Variants in CDS1 observed in about 807,000 individuals in gnomAD.
The protein encoded by CDS1 is phosphatidate cytidylyltransferase 1.
Under a neutral mutation model 62.1 loss-of-function variants are expected in CDS1, and 41 were observed. That is an observed-to-expected ratio of 0.66 (90% CI 0.51 to 0.86). The LOEUF is 0.86. Ranked by LOEUF, CDS1 falls within the 40% of genes least tolerant of loss-of-function variation. CDS1 has a pLI of 0.00. For missense variants in CDS1, 470 were observed against 550.1 expected, an observed-to-expected ratio of 0.85 and a Z score of 1.46; for synonymous variants, 185 against 192.6, an observed-to-expected ratio of 0.96 and a Z score of 0.32.
In CDS1 at chr4:84,644,087, G is replaced by A. The variant is rs139664046; in HGVS notation, c.1152+944G>A. ...GTGGTTGAGAGTAGGAGATGAGACC[G>A]CAGAGTTTGGTGGGACCAGATCACA... is the stretch of plus-strand genomic sequence containing the variant. On this transcript the variant is annotated intron_variant, in intron 11 of 12. Transcript: ENST00000295887. Among the ~76,000 whole-genome samples, 1,355 of 152,266 alleles carry A rather than the reference G, an allele frequency of 8.9e-3. 23 individuals carry two copies. Among genetic ancestry groups the A allele is most frequent in the African/African-American group, 0.031 (1,274 of 41,544 alleles).
intron 5 of CDS1, 34 bp downstream of exon 5, chr4:84,619,567 T>G (rs772501123): frequency 8.0e-7 from 1 of 1,243,060 alleles, no homozygotes. Context: ...TGATATATAG[T>G]TAACATATTT....
rs921336172 is a variant in CDS1 at position 84,587,554 on chromosome 4, C to T, written c.117+4036C>T. ...GAAGTGGATGACCACAGATTCAGGTCGGCAGGGAAGTGGGCTGGTGAAGAT... is the reference window on the plus strand; with the variant it reads ...GAAGTGGATGACCACAGATTCAGGTTGGCAGGGAAGTGGGCTGGTGAAGAT... On this transcript the variant is annotated intron_variant, in intron 1 of 12. Coordinates refer to ENST00000295887, the MANE Select transcript of CDS1 (RefSeq NM_001263.4). 9.2e-5 allele frequency among the ~76,000 whole-genome samples: 14 copies of T among 152,074 alleles called. 1 individual carries two copies. Among genetic ancestry groups the T allele is most frequent in the Non-Finnish European group, 1.6e-4 (11 of 68,008 alleles).
intron 1 of CDS1, among the ~76,000 whole-genome samples, chr4:84,595,898 G>A (rs1268104260): frequency 1.3e-5 from 2 of 152,172 alleles, no homozygotes. Context: ...TGATCTTAAT[G>A]TATAATAGAA....
At chr4:84,628,077 C>T (rs1262145044) in intron 5 of CDS1, among the ~76,000 whole-genome samples, 14 of 152,086 alleles carry the variant, frequency 9.2e-5, no homozygotes, top group Non-Finnish European at 1.5e-5. Flanking sequence ...AATAAAGGCA[C>T]ACAATGCAGT....
intron 2 of CDS1, among the ~76,000 whole-genome samples, chr4:84,608,186 T>G (rs1723190017): frequency 1.3e-5 from 2 of 152,186 alleles, no homozygotes; most frequent in South Asian, 4.1e-4. Flanking sequence ...AATACTTTGT[T>G]TTTTGGAGAC....
chr4:84,585,471 C>T (rs761400416), intron 1 of CDS1, among the ~76,000 whole-genome samples: 1 of 152,246 alleles, frequency 6.6e-6, no homozygotes, highest in Non-Finnish European at 1.5e-5. Context: ...TTTGAATACA[C>T]CTGTATTTCC....
At chr4:84,635,722 T>C (rs1243231529) in intron 8 of CDS1, among the ~76,000 whole-genome samples, 1 of 63,652 alleles carries the variant, frequency 1.6e-5, no homozygotes, top group African/African-American at 6.4e-5. Context: ...CTCCCTCCCT[T>C]TTCATCTTCA....
At chr4:84,648,495 A>G in intron 12 of CDS1, 62 bp from the exon 13 acceptor site, 2 of 1,482,404 alleles carry the variant, frequency 1.3e-6, no homozygotes, top group Admixed American at 1.9e-5. Flanking sequence ...AATTGGAGGT[A>G]TGTGCTTCAC....
In CDS1 at chr4:84,631,871, T is replaced by C. The variant is rs745934609; in HGVS notation, c.633T>C (p.Phe211=). ...TGAAGAAACATTATCGTCTGCAGTT[T>C]TATATGGTGTGTATTAACTATTATT... is the stretch of plus-strand genomic sequence containing the variant. ...SLVKKHYRLQ[F]YMFAWTHVTL... is the part of the protein sequence containing the mutation. The change falls in exon 6 of 13, where the codon TTT becomes TTC. Residue 211 remains phenylalanine, a synonymous_variant. Transcript: ENST00000295887. 6.2e-7 allele frequency: 1 copy of C among 1,605,644 alleles called. No homozygotes were observed. Among genetic ancestry groups the C allele is most frequent in the Non-Finnish European group, 8.5e-7 (1 of 1,172,558 alleles).
At chr4:84,644,337 T>A (rs1377435856) in intron 11 of CDS1, among the ~76,000 whole-genome samples, 1 of 152,110 alleles carries the variant, frequency 6.6e-6, no homozygotes, top group Admixed American at 6.5e-5. Flanking sequence ...TGGCATTGAG[T>A]TACTGTGGCT....
chr4:84,590,296 A>G (rs1223256923), intron 1 of CDS1, among the ~76,000 whole-genome samples: 1 of 152,228 alleles, frequency 6.6e-6, no homozygotes, highest in Non-Finnish European at 1.5e-5. Context: ...ATTCTTGTAA[A>G]CATCATGAAC....
Position 84,648,722 on chromosome 4 carries a change from T to C in CDS1, c.*36T>C. On this transcript the variant is annotated 3_prime_UTR_variant, in exon 13 of 13. Coordinates refer to ENST00000295887, the MANE Select transcript of CDS1 (RefSeq NM_001263.4). ...AGAGGGAAGGACTGACAAGAAGGAA[T>C]TATTCAGAAAAACACTGACAGATGT... 6.3e-7 allele frequency: 1 copy of C among 1,578,854 alleles called. No individual in the cohort carries two copies. The highest frequency in any genetic ancestry group is 8.6e-7 in the Non-Finnish European group (1 of 1,162,974).
At chr4:84,595,297 G>A (rs1427708494) in intron 1 of CDS1, among the ~76,000 whole-genome samples, 1 of 152,144 alleles carries the variant, frequency 6.6e-6, no homozygotes, top group East Asian at 1.9e-4. Context: ...TCCTATCGTG[G>A]CTGGAACTCA....
chr4:84,611,776 G>T (rs1243287784), intron 3 of CDS1, among the ~76,000 whole-genome samples: 1 of 152,304 alleles, frequency 6.6e-6, no homozygotes, highest in Non-Finnish European at 1.5e-5. Flanking sequence ...CTTAATGTGA[G>T]AGCAGAGGAA....
At chr4:84,607,631 C>T (rs780148557) in intron 2 of CDS1, among the ~76,000 whole-genome samples, 52 of 152,092 alleles carry the variant, frequency 3.4e-4, no homozygotes, top group Non-Finnish European at 6.8e-4. Context: ...CATGGTGGCT[C>T]ACACCTGAAA....
chr4:84,628,424 A>AT (rs1723921848), intron 5 of CDS1, among the ~76,000 whole-genome samples: 1 of 151,636 alleles, frequency 6.6e-6, no homozygotes, highest in South Asian at 2.1e-4. Flanking sequence ...TTTTTTATCT[A>AT]TTTTTCTGAA....
chr4:84,609,612 AAG>A, intron 3 of CDS1, 87 bp downstream of exon 3: 2 of 777,494 alleles, frequency 2.6e-6, no homozygotes, highest in Non-Finnish European at 4.4e-6. Context: ...TATCATAAAA[AAG>A]AAGCTAATTC....
intron 1 of CDS1, among the ~76,000 whole-genome samples, chr4:84,595,008 A>G (rs973008691): frequency 2.6e-5 from 4 of 152,122 alleles, no homozygotes; most frequent in African/African-American, 9.7e-5. Context: ...AGCACAGGAT[A>G]TGAAAACCCT....
intron 5 of CDS1, among the ~76,000 whole-genome samples, chr4:84,626,167 CA>C (rs990548231): frequency 2.0e-5 from 3 of 151,066 alleles, no homozygotes; most frequent in African/African-American, 4.9e-5. Context: ...AACTCCATTT[CA>C]AAAAAAACAA....
Sources: allele counts gnomAD v4.1 joint callset (sites outside exome capture counted in the v4.1 genomes callset), GRCh38; gene constraint gnomAD v4.1.1; transcripts MANE v1.5; gene names NCBI Gene and HGNC (gene_info 2026-07-23, HGNC 2026-07-21).